Variants in HHAT observed in about 807,000 individuals in gnomAD.
HHAT encodes protein-cysteine N-palmitoyltransferase HHAT.
A neutral mutation model predicts 70.8 loss-of-function variants in HHAT; 47 were observed. That is an observed-to-expected ratio of 0.66 (90% confidence interval 0.53 to 0.85). The LOEUF (loss-of-function observed/expected upper bound fraction) is 0.85. Ranked by LOEUF, HHAT falls within the 40% of genes least tolerant of loss-of-function variation. The pLI, the probability that HHAT is intolerant of heterozygous loss-of-function variation, is 0.00. For missense variants in HHAT, 609 were observed against 604.8 expected, an observed-to-expected ratio of 1.01 and a Z score of -0.07; for synonymous variants, 228 against 247.6, an observed-to-expected ratio of 0.92 and a Z score of 0.74.
At chr1:210,615,098 G>A (rs952897716) in intron 10 of HHAT, among the ~76,000 whole-genome samples, 5 of 152,074 alleles carry the variant, frequency 3.3e-5, no homozygotes, top group Non-Finnish European at 5.9e-5. Context: ...TTTAATGATC[G>A]CCATTCTAAC....
intron 7 of HHAT, among the ~76,000 whole-genome samples, chr1:210,452,785 A>G (rs989270680): frequency 6.6e-6 from 1 of 151,988 alleles, no homozygotes; most frequent in Non-Finnish European, 1.5e-5. Context: ...AAATCCAGGT[A>G]TATGAGTTTA....
intron 9 of HHAT, among the ~76,000 whole-genome samples, chr1:210,554,252 G>A (rs1050294557): frequency 7.9e-5 from 12 of 152,150 alleles, no homozygotes; most frequent in East Asian, 1.9e-4. Flanking sequence ...GTCTGTCATC[G>A]TGCTAGGGGT....
intron 11 of HHAT, among the ~76,000 whole-genome samples, chr1:210,639,686 A>G (rs181362030): frequency 2.6e-5 from 4 of 152,318 alleles, no homozygotes; most frequent in Admixed American, 2.0e-4. Flanking sequence ...TGGTAGCTGC[A>G]TTCCCCATTA....
chr1:210,615,664 C>T (rs1667544127), intron 10 of HHAT, among the ~76,000 whole-genome samples: 1 of 152,224 alleles, frequency 6.6e-6, no homozygotes, highest in African/African-American at 2.4e-5. Context: ...CAGTCAGGAC[C>T]CTCAGCTGCA....
At chr1:210,600,975 T>C (rs1016773709) in intron 10 of HHAT, among the ~76,000 whole-genome samples, 3 of 152,042 alleles carry the variant, frequency 2.0e-5, no homozygotes, top group Non-Finnish European at 4.4e-5. Context: ...GCTGAGCTGA[T>C]TTATATCCTT....
intron 9 of HHAT, among the ~76,000 whole-genome samples, chr1:210,576,465 A>T (rs558258807): frequency 9.8e-5 from 14 of 143,082 alleles, no homozygotes; most frequent in Admixed American, 2.8e-4. Flanking sequence ...ACTTAACATA[A>T]TGAGAACACA....
intron 9 of HHAT, among the ~76,000 whole-genome samples, chr1:210,571,589 CA>C (rs1390485492): frequency 6.6e-6 from 1 of 152,180 alleles, no homozygotes; most frequent in Non-Finnish European, 1.5e-5. Flanking sequence ...CTGCCTTTCT[CA>C]GGGGTAAGGT....
chr1:210,547,757 A>C (rs1258969438), intron 9 of HHAT, among the ~76,000 whole-genome samples: 2 of 152,162 alleles, frequency 1.3e-5, no homozygotes, highest in African/African-American at 4.8e-5. Flanking sequence ...CATAGCTTTA[A>C]TTTATACATT....
intron 9 of HHAT, among the ~76,000 whole-genome samples, chr1:210,584,853 A>G (rs1322321531): frequency 4.6e-5 from 7 of 152,216 alleles, no homozygotes; most frequent in South Asian, 2.1e-4. Context: ...GCCCATCCTT[A>G]TAGCAAGAAC....
chr1:210,359,845 C>T (rs149479339), intron 2 of HHAT, among the ~76,000 whole-genome samples: 15 of 151,558 alleles, frequency 9.9e-5, no homozygotes, highest in Admixed American at 3.3e-4. Flanking sequence ...CCAACCTAGG[C>T]GACAGAGCGA....
intron 10 of HHAT, among the ~76,000 whole-genome samples, chr1:210,595,583 C>A (rs1207487794): frequency 2.6e-5 from 4 of 152,334 alleles, no homozygotes; most frequent in African/African-American, 4.8e-5. Flanking sequence ...GTCCCACCAT[C>A]AGTGTAAAAG....
intron 2 of HHAT, among the ~76,000 whole-genome samples, chr1:210,349,984 C>T (rs544446704): frequency 7.9e-5 from 12 of 152,258 alleles, no homozygotes; most frequent in African/African-American, 2.6e-4. Flanking sequence ...CCATGCCTGG[C>T]TTTAAAACTA....
At chr1:210,414,544 A>T (rs989316001) in intron 6 of HHAT, among the ~76,000 whole-genome samples, 1 of 152,192 alleles carries the variant, frequency 6.6e-6, no homozygotes, top group Non-Finnish European at 1.5e-5. Context: ...AGCATAAAAC[A>T]TGGAGAAGAA....
intron 6 of HHAT, among the ~76,000 whole-genome samples, chr1:210,417,520 C>T (rs2092759198): frequency 6.6e-6 from 1 of 152,212 alleles, no homozygotes. Context: ...TAGGTGTGAG[C>T]CACCATGCCC....
At chr1:210,485,201 C>A (rs1002236738) in intron 8 of HHAT, among the ~76,000 whole-genome samples, 5 of 152,126 alleles carry the variant, frequency 3.3e-5, no homozygotes, top group Admixed American at 6.5e-5. Context: ...GGCTCAAGAC[C>A]TAGATGGGAG....
intron 8 of HHAT, among the ~76,000 whole-genome samples, chr1:210,494,541 GC>G (rs1281546937): frequency 6.5e-5 from 4 of 61,970 alleles, no homozygotes; most frequent in Non-Finnish European, 9.1e-5. Context: ...GTTTGAAATA[GC>G]TTTTTTTTTT....
rs534524534 is a variant in HHAT at position 210,485,271 on chromosome 1, GT to G, written c.1007+20617del. On this transcript the variant is annotated intron_variant, in intron 8 of 11. Transcript: ENST00000261458. ...TAACATGCCAGCTCCTCCTCCTAGGGTATGCAGCACACAGTGCTACAGTCTG... is the reference window on the plus strand; with the variant it reads ...TAACATGCCAGCTCCTCCTCCTAGGGATGCAGCACACAGTGCTACAGTCTG... Among the ~76,000 whole-genome samples, 984 of 152,232 alleles carry G rather than the reference GT, an allele frequency of 6.5e-3. 12 individuals are homozygous for G. The highest frequency in any genetic ancestry group is 0.022 in the African/African-American group (925 of 41,542).
intron 9 of HHAT, among the ~76,000 whole-genome samples, chr1:210,569,078 A>G (rs1420160485): frequency 6.6e-6 from 1 of 152,122 alleles, no homozygotes; most frequent in African/African-American, 2.4e-5. Flanking sequence ...AGGTGTCAGA[A>G]GTATAGCAGC....
chr1:210,632,149 G>T (rs1670989388), intron 11 of HHAT, among the ~76,000 whole-genome samples: 1 of 152,216 alleles, frequency 6.6e-6, no homozygotes. Flanking sequence ...GCAAAGCATG[G>T]AAAAGAGTGT....
Sources: gnomAD v4.1 joint callset for allele counts (sites outside exome capture counted in the v4.1 genomes callset) on GRCh38, gnomAD v4.1.1 for gene constraint, MANE v1.5 for transcripts, NCBI Gene and HGNC (gene_info 2026-07-23, HGNC 2026-07-21) for gene names.